The following FSTL5 variants were observed in gnomAD, a reference collection of about 807,000 sequenced individuals.
FSTL5 encodes follistatin like 5, also known as follistatin-related protein 5.
A neutral mutation model predicts 89.1 loss-of-function variants in FSTL5; 62 were observed. That is an observed-to-expected ratio of 0.70 (90% CI 0.57 to 0.86). The LOEUF (loss-of-function observed/expected upper bound fraction) is 0.86, where lower values mean the gene tolerates loss of function less well. Ranked by LOEUF, FSTL5 falls within the 40% of genes least tolerant of loss-of-function variation. The pLI is 0.00. For missense variants in FSTL5, 1,057 were observed against 1,001.6 expected, an observed-to-expected ratio of 1.06 and a Z score of -0.75; for synonymous variants, 383 against 346.2, an observed-to-expected ratio of 1.11 and a Z score of -1.18.
chr4:162,115,357 T>TA (rs1381105510), intron 1 of FSTL5, among the ~76,000 whole-genome samples: 1 of 152,230 alleles, frequency 6.6e-6, no homozygotes, highest in Non-Finnish European at 1.5e-5. Flanking sequence ...ATTATATCTT[T>TA]AAAAGTTCAC....
chr4:162,138,184 A>C (rs940427712), intron 1 of FSTL5, among the ~76,000 whole-genome samples: 8 of 152,192 alleles, frequency 5.3e-5, no homozygotes, highest in African/African-American at 1.7e-4. Context: ...CTTGCTCTTC[A>C]ATGTACTAAG....
intron 5 of FSTL5, among the ~76,000 whole-genome samples, chr4:161,764,590 A>T (rs1740924943): frequency 6.6e-6 from 1 of 152,094 alleles, no homozygotes; most frequent in African/African-American, 2.4e-5. Flanking sequence ...ATTGAATGGA[A>T]ATAATTACAT....
chr4:161,789,371 C>T (rs1017507665), intron 4 of FSTL5, among the ~76,000 whole-genome samples: 1 of 152,054 alleles, frequency 6.6e-6, no homozygotes, highest in African/African-American at 2.4e-5. Context: ...TGGGTTTTTC[C>T]ATTCTAGCCT....
intron 2 of FSTL5, among the ~76,000 whole-genome samples, chr4:162,097,054 G>T (rs1161032742): frequency 6.6e-6 from 1 of 151,776 alleles, no homozygotes; most frequent in African/African-American, 2.4e-5. Context: ...CATTACAACA[G>T]TTATATCTTT....
At chr4:161,543,192 A>G (rs1375978877) in intron 8 of FSTL5, among the ~76,000 whole-genome samples, 1 of 152,058 alleles carries the variant, frequency 6.6e-6, no homozygotes, top group African/African-American at 2.4e-5. Context: ...AGTATCAAAA[A>G]ATAAAATATT....
chr4:161,553,024 T>C (rs1267651382), intron 8 of FSTL5, among the ~76,000 whole-genome samples: 1 of 151,672 alleles, frequency 6.6e-6, no homozygotes, highest in Non-Finnish European at 1.5e-5. Context: ...CAAAGTGTTG[T>C]CACATTGGAT....
chr4:161,924,879 T>C (rs1734082249), intron 3 of FSTL5, among the ~76,000 whole-genome samples: 1 of 151,918 alleles, frequency 6.6e-6, no homozygotes, highest in African/African-American at 2.4e-5. Context: ...TTATTTGAGG[T>C]GTTCATTATC....
At chr4:161,437,349 G>A (rs1228748127) in intron 15 of FSTL5, among the ~76,000 whole-genome samples, 1 of 151,844 alleles carries the variant, frequency 6.6e-6, no homozygotes, top group African/African-American at 2.4e-5. Flanking sequence ...GGCGGATTAC[G>A]AGGTCAGGAG....
chr4:161,721,140 C>T (rs886482767), intron 6 of FSTL5, among the ~76,000 whole-genome samples: 27 of 151,450 alleles, frequency 1.8e-4, no homozygotes, highest in Admixed American at 1.1e-3. Flanking sequence ...TAGCCGGGCG[C>T]GGTGGCGGGC....
Position 161,635,026 on chromosome 4 carries a change from C to A in FSTL5, c.894+21302G>T, listed in dbSNP as rs545031571. ...CTACAATTTTTATTTGTCAATTATA[C>A]CTCAATAAAGCTGAAAAAAAATCTT... On this transcript the variant is annotated intron_variant, in intron 7 of 15. Transcript: ENST00000306100. Among the ~76,000 whole-genome samples the A allele has an allele frequency of 4.1e-5, 6 of 147,348 alleles. 1 individual carries two copies. The East Asian group carries it at 1.2e-3, about 29-fold the overall frequency.
rs756146269 is a variant in FSTL5, at chr4:161,538,235, C to G, written c.1243G>C (p.Ala415Pro). 1 of 1,613,726 alleles carries G rather than the reference C, an allele frequency of 6.2e-7. No homozygotes were observed. Among genetic ancestry groups the G allele is most frequent in the Non-Finnish European group, 8.5e-7 (1 of 1,179,834 alleles). ...YEDTGAYTCI[A>P]KNEAGVDEDI... The stretch of plus-strand genomic sequence containing the variant: ...TCATCCACTCCTGCTTCATTCTTTG[C>G]GATACAAGTGTATGCTCCAGTATCT... The change falls in exon 10 of 16, where the codon GCA becomes CCA. Residue 415 changes from alanine (A) to proline (P), a missense_variant. Ala to Pro is a conservative substitution (Grantham distance 27). Coordinates refer to ENST00000306100, the MANE Select transcript of FSTL5 (RefSeq NM_020116.5).
At chr4:161,898,027 C>G (rs2110779928) in intron 4 of FSTL5, among the ~76,000 whole-genome samples, 1 of 150,310 alleles carries the variant, frequency 6.7e-6, no homozygotes, top group Admixed American at 6.7e-5. Flanking sequence ...AATGTAAGGT[C>G]TCTCCATTTG....
At chr4:162,026,299 A>ATTTTTTTTTTTTTTTTTTTTTTTT (rs1437294333) in intron 3 of FSTL5, among the ~76,000 whole-genome samples, 1 of 10,808 alleles carries the variant, frequency 9.3e-5, no homozygotes, top group Admixed American at 9.4e-4. Flanking sequence ...CAGCTTATGT[A>ATTTTTTTTTTTTTTTTTTTTTTTT]TTTTCTTTTT....
Position 161,538,291 on chromosome 4 carries a change from C to T in FSTL5, c.1187G>A (p.Ser396Asn), listed in dbSNP as rs1731702838. Residue 396 changes from serine to asparagine, a missense_variant, in exon 10 of 16, where the codon AGT (serine) becomes AAT (asparagine). This residue lies in a region of FSTL5 where 980 missense variants were observed against 903.2 expected (regional missense o/e 1.08). Coordinates refer to ENST00000306100, the MANE Select transcript of FSTL5 (RefSeq NM_020116.5). Reference protein sequence around the residue: ...SKQLTLQANGSEVHISNVRYE... With the variant: ...SKQLTLQANGNEVHISNVRYE... ...GCGCACATTGCTTATGTGAACCTCA[C>T]TGCCATTTGCTGAAAAAAGAAGGGA... 1.9e-6 allele frequency: 3 copies of T among 1,613,796 alleles called. No homozygotes were observed. The highest frequency in any genetic ancestry group is 2.5e-6 in the Non-Finnish European group (3 of 1,179,820).
intron 2 of FSTL5, among the ~76,000 whole-genome samples, chr4:162,105,539 C>T (rs149425138): frequency 6.6e-6 from 1 of 151,852 alleles, no homozygotes; most frequent in African/African-American, 2.4e-5. Flanking sequence ...CTTGCACAAT[C>T]ACAAAAACGG....
At chr4:161,862,267 T>C (rs1019070385) in intron 4 of FSTL5, among the ~76,000 whole-genome samples, 2 of 152,206 alleles carry the variant, frequency 1.3e-5, no homozygotes, top group African/African-American at 4.8e-5. Flanking sequence ...GAGCCTATAA[T>C]TATTCAGCAA....
At chr4:161,476,336 C>T (rs555101073) in intron 13 of FSTL5, among the ~76,000 whole-genome samples, 15 of 151,788 alleles carry the variant, frequency 9.9e-5, no homozygotes, top group East Asian at 5.9e-4. Flanking sequence ...TACAGGCATG[C>T]GCCACCACGC....
intron 2 of FSTL5, among the ~76,000 whole-genome samples, chr4:162,057,087 C>A (rs923022170): frequency 4.6e-5 from 7 of 152,214 alleles, no homozygotes; most frequent in African/African-American, 7.2e-5. Flanking sequence ...CAAACAGGTC[C>A]TGAAGGGACG....
At chr4:161,877,150 C>T (rs762815184) in intron 4 of FSTL5, among the ~76,000 whole-genome samples, 1 of 147,738 alleles carries the variant, frequency 6.8e-6, no homozygotes, top group Admixed American at 6.9e-5. Flanking sequence ...CGCCCTTGCA[C>T]TCCAGCCTGG....
Sources: gnomAD v4.1 joint callset for allele counts (sites outside exome capture counted in the v4.1 genomes callset) on GRCh38, gnomAD v4.1.1 for gene constraint, gnomAD v4.1.1 regional missense constraint, MANE v1.5 for transcripts, NCBI Gene and HGNC (gene_info 2026-07-23, HGNC 2026-07-21) for gene names.